Variants in RALYL observed in about 807,000 individuals in gnomAD.
The protein encoded by RALYL is RALY RNA binding protein like.
RALYL carries 29 observed loss-of-function variants against 35.1 expected under a neutral mutation model. The observed-to-expected ratio is 0.83, with a 90% CI of 0.61 to 1.13. The LOEUF (loss-of-function observed/expected upper bound fraction) is 1.13. RALYL is among the 50% of genes most tolerant of loss of function. The probability of loss-of-function intolerance (pLI) is 0.00; values close to 1 mark genes in which losing one functional copy is unlikely to be tolerated. For missense variants in RALYL, 359 were observed against 360.4 expected (o/e 1.00, Z 0.03); for synonymous variants, 120 against 127.6 (o/e 0.94, Z 0.40).
At chr8:84,234,772 T>TAG (rs201899185) in intron 1 of RALYL, among the ~76,000 whole-genome samples, 2 of 106,382 alleles carry the variant, frequency 1.9e-5, no homozygotes, top group Non-Finnish European at 3.7e-5. Context: ...TTTATTTATT[T>TAG]TTTTTTTTTT....
intron 4 of RALYL, among the ~76,000 whole-genome samples, chr8:84,807,323 G>A (rs889680714): frequency 5.9e-5 from 9 of 152,072 alleles, no homozygotes; most frequent in Non-Finnish European, 1.0e-4. Flanking sequence ...TCTCATCCAG[G>A]TTACTGCAAA....
At chr8:84,622,557 T>A (rs1417187613) in intron 2 of RALYL, among the ~76,000 whole-genome samples, 1 of 152,152 alleles carries the variant, frequency 6.6e-6, no homozygotes, top group Admixed American at 6.5e-5. Context: ...TCAGGGTTAG[T>A]GTGTCCAGGG....
intron 1 of RALYL, among the ~76,000 whole-genome samples, chr8:84,256,669 G>T (rs1351974560): frequency 6.6e-6 from 1 of 152,080 alleles, no homozygotes; most frequent in Non-Finnish European, 1.5e-5. Context: ...TTCAACAAAT[G>T]AGTTAACCTC....
chr8:84,348,876 T>C (rs1436473060), intron 1 of RALYL, among the ~76,000 whole-genome samples: 1 of 149,966 alleles, frequency 6.7e-6, no homozygotes, highest in Non-Finnish European at 1.5e-5. Context: ...TAGGGTTAGG[T>C]GAGTTAACCA....
chr8:84,645,073 T>C (rs1308614298), intron 2 of RALYL, among the ~76,000 whole-genome samples: 1 of 152,046 alleles, frequency 6.6e-6, no homozygotes, highest in Non-Finnish European at 1.5e-5. Flanking sequence ...GTGTATAGCA[T>C]AGAATTCAGT....
At chr8:84,537,703 A>G (rs1384348495) in intron 2 of RALYL, among the ~76,000 whole-genome samples, 1 of 152,168 alleles carries the variant, frequency 6.6e-6, no homozygotes, top group Admixed American at 6.6e-5. Flanking sequence ...AAAGAAGATC[A>G]AGGTACACTT....
intron 1 of RALYL, among the ~76,000 whole-genome samples, chr8:84,251,712 G>A (rs981267852): frequency 3.9e-5 from 6 of 151,996 alleles, no homozygotes; most frequent in Admixed American, 1.3e-4. Context: ...ATTTTAATAA[G>A]GGCATTAATC....
chr8:84,382,362 C>A (rs1858199460), intron 1 of RALYL, among the ~76,000 whole-genome samples: 1 of 151,422 alleles, frequency 6.6e-6, no homozygotes, highest in African/African-American at 2.4e-5. Flanking sequence ...AAATGTTCAT[C>A]TTGCAAAAAT....
chr8:84,767,796 A>G (rs889272468), intron 2 of RALYL, among the ~76,000 whole-genome samples: 3 of 152,196 alleles, frequency 2.0e-5, no homozygotes, highest in Non-Finnish European at 2.9e-5. Flanking sequence ...GGTTTTATCA[A>G]TCCTCACTCA....
chr8:84,310,338 A>G (rs1318990493), intron 1 of RALYL, among the ~76,000 whole-genome samples: 1 of 151,646 alleles, frequency 6.6e-6, no homozygotes, highest in Non-Finnish European at 1.5e-5. Flanking sequence ...CATGCCTGGC[A>G]TATGTGTTTT....
At chr8:84,536,710 T>A (rs2059634544) in intron 2 of RALYL, among the ~76,000 whole-genome samples, 1 of 152,202 alleles carries the variant, frequency 6.6e-6, no homozygotes. Flanking sequence ...TCTATTACCA[T>A]TTGGACTGAG....
chr8:84,556,718 T>G (rs947543770), intron 2 of RALYL, among the ~76,000 whole-genome samples: 2 of 152,078 alleles, frequency 1.3e-5, no homozygotes, highest in South Asian at 2.1e-4. Context: ...CACCTCTGAG[T>G]GGTGCTTTAA....
intron 2 of RALYL, among the ~76,000 whole-genome samples, chr8:84,701,559 G>A (rs922921546): frequency 2.6e-5 from 4 of 152,090 alleles, no homozygotes; most frequent in East Asian, 1.9e-4. Flanking sequence ...TCAATACTCC[G>A]AGTGAGCTAA....
At chr8:84,707,405 G>A (rs1240984039) in intron 2 of RALYL, among the ~76,000 whole-genome samples, 2 of 152,046 alleles carry the variant, frequency 1.3e-5, no homozygotes, top group Admixed American at 6.6e-5. Context: ...CTTTACTCCT[G>A]TATCTTTTAT....
intron 5 of RALYL, among the ~76,000 whole-genome samples, chr8:84,861,146 T>C (rs1250528519): frequency 6.6e-6 from 1 of 152,154 alleles, no homozygotes; most frequent in African/African-American, 2.4e-5. Context: ...TTTAAAGTAA[T>C]TATAAGAATG....
chr8:84,303,286 TTGTC>T (rs1157724999), intron 1 of RALYL, among the ~76,000 whole-genome samples: 7 of 152,198 alleles, frequency 4.6e-5, no homozygotes, highest in African/African-American at 1.4e-4. Flanking sequence ...TGGATAAAAT[TTGTC>T]TGTTATTTAC....
intron 1 of RALYL, among the ~76,000 whole-genome samples, chr8:84,366,337 A>G (rs1854266551): frequency 6.6e-6 from 1 of 152,224 alleles, no homozygotes; most frequent in Admixed American, 6.5e-5. Flanking sequence ...AAGATTGAGA[A>G]ATGGATAAGA....
chr8:84,292,502 A>G (rs558208600), intron 1 of RALYL, among the ~76,000 whole-genome samples: 5 of 152,280 alleles, frequency 3.3e-5, no homozygotes, highest in African/African-American at 1.2e-4. Flanking sequence ...ACTGGGCTGC[A>G]TTCCCAGATG....
At chr8:84,299,227 A>G (rs1175256734) in intron 1 of RALYL, among the ~76,000 whole-genome samples, 2 of 151,926 alleles carry the variant, frequency 1.3e-5, no homozygotes, top group Non-Finnish European at 2.9e-5. Flanking sequence ...TAAGATGACC[A>G]TGAGGTTTTT....
Sources: gnomAD v4.1 joint callset for allele counts (sites outside exome capture counted in the v4.1 genomes callset) on GRCh38, gnomAD v4.1.1 for gene constraint, MANE v1.5 for transcripts, NCBI Gene and HGNC (gene_info 2026-07-23, HGNC 2026-07-21) for gene names.